GRM7: variants seen among roughly 807,000 people sequenced by gnomAD.
GRM7 encodes glutamate metabotropic receptor 7, also known as metabotropic glutamate receptor 7.
In GRM7, 35 loss-of-function variants were observed where a neutral mutation model predicts 84.5. That is an observed-to-expected ratio of 0.41 (90% CI 0.32 to 0.55). The LOEUF (loss-of-function observed/expected upper bound fraction) is 0.55. GRM7 is among the 20% of genes least tolerant of loss of function. The pLI is 0.19. For synonymous variants in GRM7, 487 were observed against 455.1 expected, an observed-to-expected ratio of 1.07 and a Z score of -0.89; for missense variants, 1,003 against 1,194.6, an observed-to-expected ratio of 0.84 and a Z score of 2.36.
intron 4 of GRM7, among the ~76,000 whole-genome samples, chr3:7,331,557 T>C (rs894156223): frequency 2.0e-5 from 3 of 152,208 alleles, no homozygotes; most frequent in Non-Finnish European, 4.4e-5. Context: ...ATCTAGCTAA[T>C]CTCTGTGAGA....
intron 2 of GRM7, among the ~76,000 whole-genome samples, chr3:7,261,684 G>A (rs1038207446): frequency 7.9e-5 from 12 of 152,202 alleles, no homozygotes; most frequent in Non-Finnish European, 4.4e-5. Flanking sequence ...GCTTTATAGT[G>A]TCACTGGTCT....
intron 2 of GRM7, among the ~76,000 whole-genome samples, chr3:7,164,834 T>C (rs1323402430): frequency 6.6e-6 from 1 of 152,206 alleles, no homozygotes. Context: ...AATGATAGAC[T>C]CAAAGGCAGA....
At chr3:6,942,189 T>C (rs1169303689) in intron 1 of GRM7, among the ~76,000 whole-genome samples, 1 of 152,096 alleles carries the variant, frequency 6.6e-6, no homozygotes, top group Non-Finnish European at 1.5e-5. Flanking sequence ...TCTGTAAGTA[T>C]GGATTTTGTT....
intron 7 of GRM7, among the ~76,000 whole-genome samples, chr3:7,568,830 C>T (rs1202375425): frequency 6.6e-6 from 1 of 152,146 alleles, no homozygotes; most frequent in Non-Finnish European, 1.5e-5. Flanking sequence ...AGCTGCCTCC[C>T]CGTGGGGAGG....
chr3:7,137,415 G>T (rs1693806237), intron 1 of GRM7, among the ~76,000 whole-genome samples: 1 of 151,954 alleles, frequency 6.6e-6, no homozygotes, highest in South Asian at 2.1e-4. Context: ...TTCCCTGTTT[G>T]CTTGTTTATT....
In GRM7 at chr3:7,476,677, A is replaced by G. The variant is rs376711489; in HGVS notation, c.1515+14955A>G. Among the ~76,000 whole-genome samples the G allele has an allele frequency of 1.3e-3, 201 of 152,332 alleles. 4 individuals carry two copies. In the South Asian group the frequency reaches 0.037, roughly 28 times the overall value. On this transcript the variant is annotated intron_variant, in intron 7 of 9. Coordinates refer to ENST00000357716, the MANE Select transcript of GRM7 (RefSeq NM_000844.4). ...ACAAATAAGACCATGTCACTCTTCT[A>G]TGTCAAAACTTCACACCAGTTTTCC...
chr3:7,278,000 A>G (rs1390552916), intron 2 of GRM7, among the ~76,000 whole-genome samples: 6 of 152,098 alleles, frequency 3.9e-5, no homozygotes, highest in Non-Finnish European at 5.9e-5. Context: ...CTGAATTGAT[A>G]TGCTCTCTTT....
chr3:7,291,190 G>A (rs926169969), intron 2 of GRM7, among the ~76,000 whole-genome samples: 3 of 151,682 alleles, frequency 2.0e-5, no homozygotes, highest in Non-Finnish European at 4.4e-5. Flanking sequence ...ACTGAGCTTG[G>A]AATGTTTTGA....
rs1702690120 is a variant in GRM7 at position 7,741,348 on chromosome 3, CT to C, written c.*945del. On this transcript the variant is annotated 3_prime_UTR_variant, in exon 10 of 10. Coordinates refer to ENST00000357716, the MANE Select transcript of GRM7 (RefSeq NM_000844.4). The stretch of plus-strand genomic sequence containing the variant: ...CTTTGACTGATCAGTGTGATAAGGA[CT>C]TTAGGAAAAAAAGCATGTATGTTTT... 6.6e-6 allele frequency: 1 copy of C among 152,332 alleles called. No individual in the cohort carries two copies. Among genetic ancestry groups the C allele is most frequent in the Non-Finnish European group, 1.5e-5 (1 of 67,984 alleles). 9.4% of individuals were successfully genotyped at this position (152,332 alleles called of 1,614,324 possible).
chr3:7,232,900 C>T (rs1033505271), intron 2 of GRM7, among the ~76,000 whole-genome samples: 8 of 151,990 alleles, frequency 5.3e-5, no homozygotes, highest in Admixed American at 2.0e-4. Flanking sequence ...CTTCTTTCTT[C>T]GAATCTTTAG....
At chr3:7,337,791 TTA>T (rs889955502) in intron 4 of GRM7, among the ~76,000 whole-genome samples, 1 of 151,940 alleles carries the variant, frequency 6.6e-6, no homozygotes, top group African/African-American at 2.4e-5. Context: ...AAGGGAACAC[TTA>T]TACATTGCTG....
chr3:7,075,866 C>G (rs565599833), intron 1 of GRM7, among the ~76,000 whole-genome samples: 1 of 152,134 alleles, frequency 6.6e-6, no homozygotes, highest in East Asian at 1.9e-4. Flanking sequence ...TAGAAGGAAT[C>G]TTTCATAGAA....
At chr3:7,362,865 C>T (rs1693726766) in intron 4 of GRM7, among the ~76,000 whole-genome samples, 1 of 152,092 alleles carries the variant, frequency 6.6e-6, no homozygotes, top group Non-Finnish European at 1.5e-5. Flanking sequence ...TGATGGCTCA[C>T]AGCTGTAATC....
chr3:7,345,020 A>C (rs1692826304), intron 4 of GRM7, among the ~76,000 whole-genome samples: 1 of 152,174 alleles, frequency 6.6e-6, no homozygotes, highest in African/African-American at 2.4e-5. Flanking sequence ...TTAAAGTAGC[A>C]TGCTGTACCC....
At chr3:7,220,393 CCAGACCAGACAAAT>C (rs1696761446) in intron 2 of GRM7, among the ~76,000 whole-genome samples, 1 of 152,132 alleles carries the variant, frequency 6.6e-6, no homozygotes, top group Non-Finnish European at 1.5e-5. Context: ...CCTCAAAATG[CCAGACCAGACAAAT>C]CAGGAGAAAT....
At chr3:7,678,221 G>GA (rs1316138499) in intron 8 of GRM7, among the ~76,000 whole-genome samples, 1 of 151,708 alleles carries the variant, frequency 6.6e-6, no homozygotes, top group Non-Finnish European at 1.5e-5. Flanking sequence ...TCTAAAAGTT[G>GA]AAAAAAGAAA....
chr3:7,308,931 T>C (rs9849620), intron 4 of GRM7, among the ~76,000 whole-genome samples: 1 of 152,032 alleles, frequency 6.6e-6, no homozygotes, highest in African/African-American at 2.4e-5. Context: ...AATATACAAA[T>C]TTACAAAATC....
At position 7,535,745 on chromosome 3, in the gene GRM7, G is replaced by T. The variant is rs371097866; in HGVS notation, c.1516-42677G>T. Among the ~76,000 whole-genome samples, 20 of 152,234 alleles carry T rather than the reference G, an allele frequency of 1.3e-4. 2 individuals are homozygous for T. The highest frequency in any genetic ancestry group is 5.2e-4 in the Admixed American group (8 of 15,280). On this transcript the variant is annotated intron_variant, in intron 7 of 9. Transcript: ENST00000357716. ...CAATTGTGCAGAAAACATACCTGGG[G>T]AATTTTACTCAATAAAGATACCGTG...
At chr3:7,411,490 T>A (rs1050387718) in intron 4 of GRM7, among the ~76,000 whole-genome samples, 16 of 152,332 alleles carry the variant, frequency 1.1e-4, no homozygotes, top group African/African-American at 3.6e-4. Context: ...TAATTTTTTT[T>A]AGAATATCCT....
Sources: allele counts gnomAD v4.1 joint callset (sites outside exome capture counted in the v4.1 genomes callset), GRCh38; gene constraint gnomAD v4.1.1; transcripts MANE v1.5; gene names NCBI Gene and HGNC (gene_info 2026-07-23, HGNC 2026-07-21).